Variants in SLC2A6 observed in about 807,000 individuals in gnomAD.
SLC2A6 encodes the protein solute carrier family 2, facilitated glucose transporter member 6.
In SLC2A6, 39 loss-of-function variants were observed where a neutral mutation model predicts 47.8. The observed-to-expected ratio is 0.82, with a 90% CI of 0.63 to 1.07. SLC2A6 has a LOEUF of 1.07. Ranked by LOEUF, SLC2A6 falls within the 50% of genes least tolerant of loss-of-function variation. The pLI, the probability that SLC2A6 is intolerant of heterozygous loss-of-function variation, is 0.00. For missense variants in SLC2A6, 650 were observed against 707.6 expected, an observed-to-expected ratio of 0.92 and a Z score of 0.92; for synonymous variants, 346 against 324.1, an observed-to-expected ratio of 1.07 and a Z score of -0.73.
chr9:133,473,239 C>G lies in SLC2A6; in HGVS notation c.1234G>C (p.Gly412Arg), dbSNP rs1444938823. 6.3e-7 allele frequency: 1 copy of G among 1,581,036 alleles called. No individual in the cohort carries two copies. The highest frequency in any genetic ancestry group is 8.6e-7 in the Non-Finnish European group (1 of 1,164,576). ...TMLFIMGYAV[G>R]WGPITWLLMS... ...AGCAGCCAGGTGATGGGACCCCAGC[C>G]CACGGCGTAGCCTGCTCGGAGGAGG... Residue 412 changes from glycine (G) to arginine (R), a missense_variant, in exon 9 of 10, where the codon GGC becomes CGC. Gly to Arg is a moderately radical substitution (Grantham distance 125). Transcript: ENST00000371899.
rs1013938779 is a variant in SLC2A6 at position 133,475,056 on chromosome 9, C to T, written c.832G>A (p.Val278Met). 1.4e-5 allele frequency: 22 copies of T among 1,600,986 alleles called. No individual in the cohort carries two copies. The African/African-American group carries it at 1.6e-4, about 12-fold the overall frequency. The stretch of plus-strand genomic sequence containing the variant: ...TGCAGGAGGCGCATCAGCAAGGCCA[C>T]GGTGATGGGCCGGCACACGTGTGGG... ...RAPHVCRPIT[V>M]ALLMRLLQQL... is the part of the protein sequence containing the mutation. The change falls in exon 6 of 10, where the codon GTG becomes ATG. Residue 278 changes from valine to methionine, a missense_variant. Val to Met is a conservative substitution (Grantham distance 21). Transcript: ENST00000371899.
rs982460126 is a variant in SLC2A6, at chr9:133,477,052, T to C, written c.445A>G (p.Thr149Ala). 2 of 1,547,224 alleles carry C rather than the reference T, an allele frequency of 1.3e-6. No homozygotes were observed. The highest frequency in any genetic ancestry group is 2.4e-5 in the South Asian group (2 of 83,882). Residue 149 changes from threonine to alanine, a missense_variant, in exon 3 of 10, where the codon ACA becomes GCA. Thr to Ala is a moderately conservative substitution (Grantham distance 58, BLOSUM62 0). Transcript: ENST00000371899. ...RTLTGFAGGL[T>A]AACIPVYVSE... ...GGCCTTACCGGGATGCAGGCAGCTG[T>C]GAGCCCCCCGGCGAAGCCCGTCAGC...
rs375930546 is a variant in SLC2A6, at chr9:133,477,270, A to G, written c.256-29T>C. 37 of 1,546,624 alleles carry G rather than the reference A, an allele frequency of 2.4e-5. No individual in the cohort carries two copies. In the Middle Eastern group the frequency reaches 3.3e-3, roughly 137 times the overall value. Reference sequence around the variant, plus strand: ...CAGGGGAAGGGGGTGCAGGGCAGATATGTCTGGGCACTTGGCACCCCAATC... The same window carrying G: ...CAGGGGAAGGGGGTGCAGGGCAGATGTGTCTGGGCACTTGGCACCCCAATC... On this transcript the variant is annotated intron_variant, in intron 2 of 9. Coordinates refer to ENST00000371899, the MANE Select transcript of SLC2A6 (RefSeq NM_017585.4).
chr9:133,471,863 CA>C lies in SLC2A6; in HGVS notation c.*157del. The C allele has an allele frequency of 1.2e-6, 1 of 844,558 alleles. No individual in the cohort carries two copies. The highest frequency in any genetic ancestry group is 1.8e-6 in the Non-Finnish European group (1 of 557,672). The allele number at this position is 844,558 out of a possible 1,614,324, so 52.3% of individuals were successfully genotyped here. A position where few individuals can be genotyped will look rare whatever the true frequency, so the allele number is the denominator to read the frequency against. ...GACAGCAGTGCTACCTGTCCCGAGC[CA>C]GGGGCACCCGCTGCTGAGGCCCCAT... On this transcript the variant is annotated 3_prime_UTR_variant, in exon 10 of 10. Transcript: ENST00000371899.
intron 3 of SLC2A6, 25 bp from the exon 4 acceptor site, chr9:133,476,361 G>A (rs1564469105): frequency 6.2e-7 from 1 of 1,602,244 alleles, no homozygotes; most frequent in Non-Finnish European, 8.5e-7. Flanking sequence ...CGCCGCACCA[G>A]GTTTTGCTGA....
Position 133,475,445 on chromosome 9 carries a change from A to G in SLC2A6, c.729T>C (p.Asp243=), listed in dbSNP as rs376602749. The part of the protein sequence containing the change: ...ALAWLRGTDV[D]VHWEFEQIQD... ...GGATCTGCTCGAACTCCCAGTGGAC[A>G]TCGACGTCCGTCCCACGCAGCCAGG... The change falls in exon 5 of 10, where the codon GAT becomes GAC. Residue 243 remains aspartate, a synonymous_variant. Transcript: ENST00000371899. 32 of 1,611,318 alleles carry G rather than the reference A, an allele frequency of 2.0e-5. No homozygotes were observed. The highest frequency in any genetic ancestry group is 2.7e-5 in the Non-Finnish European group (32 of 1,179,474).
At position 133,475,098 on chromosome 9, in the gene SLC2A6, A is replaced by ACGATACT; in HGVS notation, c.783_789dup (p.Trp264SerfsTer5). The ACGATACT allele has an allele frequency of 6.3e-7, 1 of 1,578,584 alleles. No individual in the cohort carries two copies. Among genetic ancestry groups the ACGATACT allele is most frequent in the African/African-American group, 1.3e-5 (1 of 74,394 alleles). On this transcript the variant is annotated frameshift_variant, in exon 6 of 10. Coordinates refer to ENST00000371899, the MANE Select transcript of SLC2A6 (RefSeq NM_017585.4). LOFTEE classifies it high-confidence loss of function. ...ACGTGTGGGGCCCGTGCCTCAGCCC[A>ACGATACT]CGATACTCGGCTGCTCTGAAACACA...
rs1843721255 is a variant in SLC2A6, at chr9:133,471,750, C to T, written c.*271G>A. On this transcript the variant is annotated 3_prime_UTR_variant, in exon 10 of 10. Coordinates refer to ENST00000371899, the MANE Select transcript of SLC2A6 (RefSeq NM_017585.4). Reference sequence around the variant, plus strand: ...CTAGGCCTGAGGTCACCCAGCAGGGCCGTGTCCCTGGATGCAGGGTTGTAT... The same window carrying T: ...CTAGGCCTGAGGTCACCCAGCAGGGTCGTGTCCCTGGATGCAGGGTTGTAT... 7.4e-6 allele frequency: 3 copies of T among 406,482 alleles called. No individual in the cohort carries two copies. The Admixed American group carries it at 1.2e-4, about 16-fold the overall frequency. The allele number at this position is 406,482 out of a possible 1,614,324, so 25.2% of individuals were successfully genotyped here.
Position 133,479,094 on chromosome 9 carries a change from C to G in SLC2A6, c.-35G>C. 6.5e-7 allele frequency: 1 copy of G among 1,529,966 alleles called. No homozygotes were observed. 94.8% of individuals were successfully genotyped at this position (1,529,966 alleles called of 1,614,324 possible). On this transcript the variant is annotated 5_prime_UTR_variant, in exon 1 of 10. Coordinates refer to ENST00000371899, the MANE Select transcript of SLC2A6 (RefSeq NM_017585.4). ...TCTCTCGGGGCGAGCGGAGGGCGCTCAGACTGGAGCAGCCGCCCGGGGCCA... is the reference window on the plus strand; with the variant it reads ...TCTCTCGGGGCGAGCGGAGGGCGCTGAGACTGGAGCAGCCGCCCGGGGCCA...
chr9:133,478,991 C>T lies in SLC2A6; in HGVS notation c.69G>A (p.Ser23=). The T allele has an allele frequency of 1.9e-6, 3 of 1,593,876 alleles. No homozygotes were observed. Among genetic ancestry groups the T allele is most frequent in the South Asian group, 1.1e-5 (1 of 89,180 alleles). ...YDTFPEKPPP[S]PGDRARVGTL... is the part of the protein sequence containing the mutation. ...ACCCGACCCGCGCCCTGTCCCCTGG[C>T]GACGGGGGCGGCTTCTCGGGGAAGG... Residue 23 remains serine, a synonymous_variant, in exon 1 of 10, where the codon TCG becomes TCA. Coordinates refer to ENST00000371899, the MANE Select transcript of SLC2A6 (RefSeq NM_017585.4).
At chr9:133,473,647 G>C in intron 7 of SLC2A6, 47 bp from the exon 8 acceptor site, 1 of 1,463,534 alleles carries the variant, frequency 6.8e-7, no homozygotes, top group Non-Finnish European at 9.1e-7. Context: ...CTCTGAGCCA[G>C]CTGTTTCTCT....
At chr9:133,473,899 C>T in intron 7 of SLC2A6, 81 bp downstream of exon 7, 2 of 1,146,396 alleles carry the variant, frequency 1.7e-6, no homozygotes, top group Non-Finnish European at 2.5e-6. Context: ...ACAGCCCCAC[C>T]CCGAGGCAGG....
rs377403588 is a variant in SLC2A6, at chr9:133,476,244, G to T, written c.555C>A (p.Tyr185Ter). 3 of 1,612,366 alleles carry T rather than the reference G, an allele frequency of 1.9e-6. No homozygotes were observed. The highest frequency in any genetic ancestry group is 1.7e-5 in the Admixed American group (1 of 59,998). Reference sequence around the variant, plus strand: ...GTGCGGGGCCATACTTGCCAAGGGCGTAGAGGGACAGGGATCCGAACACTG... The same window carrying T: ...GTGCGGGGCCATACTTGCCAAGGGCTTAGAGGGACAGGGATCCGAACACTG... ...LMAVFGSLSL[Y>*]ALGLLLPWRW... The change falls in exon 4 of 10, where the codon TAC becomes TAA. Residue 185 changes from tyrosine (Y) to a stop codon, truncating the protein, a stop_gained. Coordinates refer to ENST00000371899, the MANE Select transcript of SLC2A6 (RefSeq NM_017585.4). LOFTEE classifies it high-confidence loss of function.
Position 133,475,041 on chromosome 9 carries a change from G to A in SLC2A6, c.847C>T (p.Arg283Cys), listed in dbSNP as rs782337112. The A allele has an allele frequency of 1.0e-5, 16 of 1,598,826 alleles. No homozygotes were observed. The highest frequency in any genetic ancestry group is 4.5e-5 in the East Asian group (2 of 44,084). Reference sequence around the variant, plus strand: ...ATGCCCGTCAGCTGCTGCAGGAGGCGCATCAGCAAGGCCACGGTGATGGGC... The same window carrying A: ...ATGCCCGTCAGCTGCTGCAGGAGGCACATCAGCAAGGCCACGGTGATGGGC... ...CRPITVALLM[R>C]LLQQLTGITP... is the part of the protein sequence containing the mutation. The change falls in exon 6 of 10, where the codon CGC becomes TGC. Residue 283 changes from arginine to cysteine, a missense_variant. Coordinates refer to ENST00000371899, the MANE Select transcript of SLC2A6 (RefSeq NM_017585.4).
At position 133,477,966 on chromosome 9, in the gene SLC2A6, CTG is replaced by C. The variant is rs1187932356; in HGVS notation, c.255+286_255+287del. On this transcript the variant is annotated intron_variant, in intron 2 of 9. Transcript: ENST00000371899. ...GATACCCTTGCCCCCATCCAGCCAA[CTG>C]TGGGTGTGGGGACCCGGGGAAGCCT... 9.2e-5 allele frequency among the ~76,000 whole-genome samples: 14 copies of C among 152,328 alleles called. No homozygotes were observed. The East Asian group carries it at 2.7e-3, about 29-fold the overall frequency.
At chr9:133,478,734 G>A in intron 1 of SLC2A6, 1 of 589,968 alleles carries the variant, frequency 1.7e-6, no homozygotes, top group Non-Finnish European at 3.0e-6. Context: ...TGGGGCCTCA[G>A]TCTCACTGTC....
rs199728900 is a variant in SLC2A6, at chr9:133,476,250, G to A, written c.549C>T (p.Ser183=). ...PQLMAVFGSL[S]LYALGLLLPW... ...GGCCATACTTGCCAAGGGCGTAGAG[G>A]GACAGGGATCCGAACACTGCCATGA... Residue 183 remains serine, a synonymous_variant, in exon 4 of 10, where the codon TCC becomes TCT. Coordinates refer to ENST00000371899, the MANE Select transcript of SLC2A6 (RefSeq NM_017585.4). 1.9e-6 allele frequency: 3 copies of A among 1,612,608 alleles called. No individual in the cohort carries two copies. The highest frequency in any genetic ancestry group is 3.3e-5 in the Admixed American group (2 of 59,996).
At chr9:133,474,144 C>T in intron 6 of SLC2A6, 56 bp from the exon 7 acceptor site, 1 of 1,409,480 alleles carries the variant, frequency 7.1e-7, no homozygotes, top group Non-Finnish European at 9.7e-7. Flanking sequence ...CCATCCCCCT[C>T]CAGGACCCAG....
At chr9:133,473,346 A>G (rs1214778791) in intron 8 of SLC2A6, 69 bp downstream of exon 8, 1 of 1,538,872 alleles carries the variant, frequency 6.5e-7, no homozygotes, top group Non-Finnish European at 8.8e-7. Flanking sequence ...CTCTCCAGCC[A>G]CCCCAGACAC....
Sources: allele counts gnomAD v4.1 joint callset (sites outside exome capture counted in the v4.1 genomes callset), GRCh38; gene constraint gnomAD v4.1.1; transcripts MANE v1.5; gene names NCBI Gene and HGNC (gene_info 2026-07-23, HGNC 2026-07-21).